Variants in TRAK1 observed in about 807,000 individuals in gnomAD.
TRAK1 encodes the protein trafficking kinesin protein 1, also known as trafficking kinesin-binding protein 1.
TRAK1 carries 33 observed loss-of-function variants against 92.1 expected under a neutral mutation model. The observed-to-expected ratio is 0.36, with a 90% CI of 0.27 to 0.48. The LOEUF is 0.48. Ranked by LOEUF, TRAK1 falls within the 20% of genes least tolerant of loss-of-function variation. The probability of loss-of-function intolerance (pLI) is 0.99; values close to 1 mark genes in which losing one functional copy is unlikely to be tolerated. For missense variants in TRAK1, 1,123 were observed against 1,257.9 expected, an observed-to-expected ratio of 0.89 and a Z score of 1.62; for synonymous variants, 521 against 517.3, an observed-to-expected ratio of 1.01 and a Z score of -0.10.
chr3:42,031,192 T>G (rs1000965661), intron 1 of TRAK1, among the ~76,000 whole-genome samples: 1 of 148,542 alleles, frequency 6.7e-6, no homozygotes, highest in African/African-American at 2.5e-5. Context: ...TGTGCCACCA[T>G]GCCTGGCTAA....
At chr3:42,085,487 ACT>A (rs1704628517), upstream of TRAK1, among the ~76,000 whole-genome samples, 1 of 151,710 alleles carries the variant, frequency 6.6e-6, no homozygotes, top group African/African-American at 2.4e-5. Flanking sequence ...AAAATTTGAA[ACT>A]CTTCTGTTCC....
At chr3:42,193,498 A>G (rs1263169934) in intron 8 of TRAK1, among the ~76,000 whole-genome samples, 3 of 152,126 alleles carry the variant, frequency 2.0e-5, no homozygotes, top group Non-Finnish European at 2.9e-5. Context: ...ATTTGTTTTT[A>G]CACAGTGCAC....
chr3:42,213,071 T>TTG (rs1234214100), intron 14 of TRAK1, among the ~76,000 whole-genome samples: 1 of 150,154 alleles, frequency 6.7e-6, no homozygotes, highest in Non-Finnish European at 1.5e-5. Flanking sequence ...TTTTTTTTTT[T>TTG]TTTTTGAGAC....
intron 4 of TRAK1, among the ~76,000 whole-genome samples, chr3:42,186,203 A>G (rs1291445554): frequency 6.6e-6 from 1 of 151,768 alleles, no homozygotes; most frequent in East Asian, 1.9e-4. Context: ...GCTGGTCTCA[A>G]ACTCCTGGGC....
At chr3:42,073,663 C>T (rs1028749329) in intron 1 of TRAK1, among the ~76,000 whole-genome samples, 4 of 152,136 alleles carry the variant, frequency 2.6e-5, no homozygotes, top group Non-Finnish European at 4.4e-5. Flanking sequence ...CTTTTTTGCT[C>T]ACCTGGCATT....
At chr3:42,219,382 G>C in intron 14 of TRAK1, 112 bp from the exon 15 acceptor site, 2 of 1,591,026 alleles carry the variant, frequency 1.3e-6, no homozygotes, top group Non-Finnish European at 1.7e-6. Context: ...CCCAGATCCA[G>C]TTAACAAGGT....
chr3:42,205,871 C>T (rs142295589), intron 13 of TRAK1, among the ~76,000 whole-genome samples: 184 of 152,352 alleles, frequency 1.2e-3, no homozygotes, highest in African/African-American at 4.2e-3. Context: ...CCCCACTGTC[C>T]GTGCCCTTTT....
chr3:42,191,498 T>C, intron 6 of TRAK1, 60 bp from the exon 7 acceptor site: 3 of 1,516,766 alleles, frequency 2.0e-6, no homozygotes, highest in Non-Finnish European at 2.7e-6. Flanking sequence ...GCCTCAGCCC[T>C]TGCCTGCACC....
intron 1 of TRAK1, among the ~76,000 whole-genome samples, chr3:42,095,342 C>T (rs761178989): frequency 3.9e-5 from 6 of 152,124 alleles, no homozygotes; most frequent in African/African-American, 9.7e-5. Flanking sequence ...GGTTTAGACC[C>T]GGCAGCATTG....
intron 3 of TRAK1, among the ~76,000 whole-genome samples, chr3:42,181,990 G>A (rs936894829): frequency 6.8e-6 from 1 of 146,728 alleles, no homozygotes; most frequent in African/African-American, 2.5e-5. Flanking sequence ...TGTGTTTTGA[G>A]ATGGGGTCTC....
intron 1 of TRAK1, among the ~76,000 whole-genome samples, chr3:42,050,703 G>C (rs1702944866): frequency 6.6e-6 from 1 of 151,972 alleles, no homozygotes; most frequent in Admixed American, 6.6e-5. Context: ...TATTGCCCAG[G>C]TTGGAGTACA....
At chr3:42,190,791 C>T (rs959113667) in intron 6 of TRAK1, among the ~76,000 whole-genome samples, 6 of 151,860 alleles carry the variant, frequency 4.0e-5, no homozygotes, top group African/African-American at 9.7e-5. Flanking sequence ...CTCCCTCTCT[C>T]CCTTCCTCCC....
At chr3:42,029,296 C>T (rs772481422) in intron 1 of TRAK1, among the ~76,000 whole-genome samples, 4 of 152,182 alleles carry the variant, frequency 2.6e-5, no homozygotes, top group South Asian at 2.1e-4. Flanking sequence ...TGGCATGCAG[C>T]GGTGCAGTCT....
chr3:42,130,517 C>G (rs572049363), intron 2 of TRAK1, among the ~76,000 whole-genome samples: 5 of 152,234 alleles, frequency 3.3e-5, no homozygotes, highest in Admixed American at 1.3e-4. Context: ...TGGTATTTAC[C>G]TCTGATCCTT....
rs202237354 is a variant in TRAK1 at position 42,117,331 on chromosome 3, GCTC to G, written c.92-8086_92-8084del. On this transcript the variant is annotated intron_variant, in intron 1 of 15. Coordinates refer to ENST00000327628, the MANE Select transcript of TRAK1 (RefSeq NM_001042646.3). ...CCTTTCTCCAAACTCTTGAAACTGT[GCTC>G]CTGGCCGGCACCCAGGGCCTCTCGG... is the stretch of plus-strand genomic sequence containing the variant. Among the ~76,000 whole-genome samples the G allele has an allele frequency of 2.6e-3, 383 of 149,556 alleles. 9 individuals are homozygous for G. The East Asian group carries it at 0.056, about 22-fold the overall frequency.
chr3:42,194,773 T>TC, intron 9 of TRAK1, 31 bp from the exon 10 acceptor site: 12 of 1,610,812 alleles, frequency 7.4e-6, no homozygotes, highest in Non-Finnish European at 1.0e-5. Context: ...GCTCAGGAGA[T>TC]CCTGACCCTC....
rs1267378765 is a variant in TRAK1 at position 42,223,599 on chromosome 3, G to A, written c.2724G>A (p.Leu908=). ...CTGTCACCAGTGCCATCGGTGGGCTGCAGCTCAATAGTGGCATCCGGCGGA... is the reference window on the plus strand; with the variant it reads ...CTGTCACCAGTGCCATCGGTGGGCTACAGCTCAATAGTGGCATCCGGCGGA... ...CPTVTSAIGG[L]QLNSGIRRNR... The change falls in exon 16 of 16, where the codon CTG becomes CTA. Residue 908 remains leucine, a synonymous_variant. Transcript: ENST00000327628. This position sits in a 1 kb window ranked among gnomAD's most constrained non-coding sequence, Gnocchi z 6.1. 2 of 1,614,000 alleles carry A rather than the reference G, an allele frequency of 1.2e-6. No homozygotes were observed. The highest frequency in any genetic ancestry group is 1.1e-5 in the South Asian group (1 of 91,082).
chr3:42,184,939 A>T, intron 4 of TRAK1, 138 bp downstream of exon 4: 1 of 769,544 alleles, frequency 1.3e-6, no homozygotes, highest in South Asian at 1.8e-5. Context: ...TGAGCCCAGA[A>T]CTGTCTCTTC....
chr3:42,126,737 C>A (rs1710610096), intron 2 of TRAK1, among the ~76,000 whole-genome samples: 1 of 152,144 alleles, frequency 6.6e-6, no homozygotes, highest in Non-Finnish European at 1.5e-5. Context: ...ATTATTTTTA[C>A]TAATACAGGC....
Sources: gnomAD v4.1 joint callset for allele counts (sites outside exome capture counted in the v4.1 genomes callset) on GRCh38, gnomAD v4.1.1 for gene constraint, Gnocchi (gnomAD v3.1) non-coding constraint, MANE v1.5 for transcripts, NCBI Gene and HGNC (gene_info 2026-07-23, HGNC 2026-07-21) for gene names.